CSMD1: variants seen among roughly 807,000 people sequenced by gnomAD.
The protein encoded by CSMD1 is CUB and sushi domain-containing protein 1.
Under a neutral mutation model 417.5 loss-of-function variants are expected in CSMD1, and 213 were observed. That is an observed-to-expected ratio of 0.51 (90% CI 0.46 to 0.57). The LOEUF (loss-of-function observed/expected upper bound fraction) is 0.57. CSMD1 is among the 20% of genes least tolerant of loss of function. The pLI is 0.00. For missense variants in CSMD1, 6,923 were observed against 4,529.7 expected (o/e 1.53, Z -15.17); for synonymous variants, 2,862 against 1,736.8 (o/e 1.65, Z -16.11).
At chr8:4,421,313 C>A (rs1037032671) in intron 2 of CSMD1, among the ~76,000 whole-genome samples, 3 of 152,180 alleles carry the variant, frequency 2.0e-5, no homozygotes, top group Non-Finnish European at 2.9e-5. Context: ...ATACAGAACT[C>A]ATCAACCCTA....
chr8:4,409,061 G>T (rs954869232), intron 3 of CSMD1, among the ~76,000 whole-genome samples: 1 of 152,282 alleles, frequency 6.6e-6, no homozygotes, highest in Non-Finnish European at 1.5e-5. Flanking sequence ...ATTCGGCATT[G>T]AATTTATTGG....
chr8:4,229,238 C>G (rs1301452988), intron 3 of CSMD1, among the ~76,000 whole-genome samples: 1 of 152,172 alleles, frequency 6.6e-6, no homozygotes, highest in Non-Finnish European at 1.5e-5. Flanking sequence ...TTTGGCTAGT[C>G]CTACTCAAAA....
intron 52 of CSMD1, among the ~76,000 whole-genome samples, chr8:3,013,843 A>G (rs11989141): frequency 0.02 from 3,064 of 152,184 alleles, 101 homozygotes; most frequent in African/African-American, 0.069. Flanking sequence ...GCCCACTTAA[A>G]CTATTAAAAA....
At chr8:4,697,629 G>A (rs1584958711) in intron 1 of CSMD1, among the ~76,000 whole-genome samples, 2 of 152,098 alleles carry the variant, frequency 1.3e-5, no homozygotes, top group South Asian at 2.1e-4. Context: ...AAGGCCAAAG[G>A]CAATTAAGCA....
chr8:3,461,388 T>TAAA (rs1816491396), intron 12 of CSMD1, among the ~76,000 whole-genome samples: 1 of 152,154 alleles, frequency 6.6e-6, no homozygotes, highest in Admixed American at 6.5e-5. Context: ...GGATGTGGTC[T>TAAA]TCACCCTAAA....
intron 20 of CSMD1, among the ~76,000 whole-genome samples, chr8:3,363,604 T>C (rs1196558558): frequency 6.6e-6 from 1 of 152,154 alleles, no homozygotes; most frequent in East Asian, 1.9e-4. Context: ...CTCCGCTCAC[T>C]GCAAGCTCCG....
rs140328050 is a variant in CSMD1 at position 4,958,985 on chromosome 8, C to T, written c.85+35347G>A. On this transcript the variant is annotated intron_variant, in intron 1 of 69. Coordinates refer to ENST00000635120, the MANE Select transcript of CSMD1 (RefSeq NM_033225.6). ...GAATTACAAAATTAAAAACAAGAAACGTGAAAACTTAAATCTTAATTGTAT... is the reference window on the plus strand; with the variant it reads ...GAATTACAAAATTAAAAACAAGAAATGTGAAAACTTAAATCTTAATTGTAT... Among the ~76,000 whole-genome samples, 899 of 152,146 alleles carry T rather than the reference C, an allele frequency of 5.9e-3. 5 individuals carry two copies. Among genetic ancestry groups the T allele is most frequent in the African/African-American group, 0.02 (841 of 41,522 alleles).
At chr8:4,431,836 C>T (rs187213885) in intron 2 of CSMD1, among the ~76,000 whole-genome samples, 53 of 151,578 alleles carry the variant, frequency 3.5e-4, no homozygotes, top group Non-Finnish European at 5.7e-4. Flanking sequence ...TAAAGTACTA[C>T]GAAATGTGGG....
rs1389970189 is a variant in CSMD1, at chr8:2,937,452, A to G, written c.*1133T>C. 1.3e-4 allele frequency: 10 copies of G among 75,070 alleles called. No individual in the cohort carries two copies. Among genetic ancestry groups the G allele is most frequent in the African/African-American group, 3.5e-4 (10 of 28,372 alleles). 4.7% of individuals were successfully genotyped at this position (75,070 alleles called of 1,614,324 possible). ...CAGTAAAAGACAAAAAAAAAAAAAA[A>G]CAAAAAAAAAACACTGCAAAAGGGA... On this transcript the variant is annotated 3_prime_UTR_variant, in exon 70 of 70. Transcript: ENST00000635120.
At chr8:3,895,592 C>T (rs1304042668) in intron 5 of CSMD1, among the ~76,000 whole-genome samples, 1 of 152,100 alleles carries the variant, frequency 6.6e-6, no homozygotes, top group Non-Finnish European at 1.5e-5. Flanking sequence ...CTTTCTAATG[C>T]CCATATATGT....
At chr8:4,032,387 T>C (rs1797394134) in intron 3 of CSMD1, among the ~76,000 whole-genome samples, 1 of 152,196 alleles carries the variant, frequency 6.6e-6, no homozygotes, top group Non-Finnish European at 1.5e-5. Flanking sequence ...GTCTGGATTA[T>C]ATTTTTCTAG....
At chr8:4,455,607 CTTATT>C (rs767263239) in intron 2 of CSMD1, among the ~76,000 whole-genome samples, 5 of 151,904 alleles carry the variant, frequency 3.3e-5, no homozygotes, top group Admixed American at 2.0e-4. Context: ...TTTAAATCAT[CTTATT>C]TTCTCTTTCA....
chr8:4,392,323 G>T (rs1177125873), intron 3 of CSMD1, among the ~76,000 whole-genome samples: 1 of 152,162 alleles, frequency 6.6e-6, no homozygotes, highest in African/African-American at 2.4e-5. Flanking sequence ...TTACCATGGG[G>T]ACCACGGATA....
intron 46 of CSMD1, among the ~76,000 whole-genome samples, chr8:3,097,819 C>T (rs13253818): frequency 0.18 from 27,687 of 152,090 alleles, 3,229 homozygotes; most frequent in South Asian, 0.25. Context: ...TGTGATTGCT[C>T]GGGACCCTGG....
intron 7 of CSMD1, among the ~76,000 whole-genome samples, chr8:3,635,793 CAAAAAAAAAAAAA>C (rs752552617): frequency 3.0e-5 from 3 of 99,282 alleles, no homozygotes; most frequent in Non-Finnish European, 6.0e-5. Context: ...GCTTCCATCT[CAAAAAAAAAAAAA>C]AAAAAAAAAG....
intron 4 of CSMD1, among the ~76,000 whole-genome samples, chr8:4,010,895 G>A (rs183440200): frequency 3.8e-4 from 58 of 152,192 alleles, no homozygotes; most frequent in Middle Eastern, 3.4e-3. Context: ...AAAACATACT[G>A]AAAGGTCTAA....
At chr8:4,794,742 A>T (rs530277594) in intron 1 of CSMD1, among the ~76,000 whole-genome samples, 1 of 152,304 alleles carries the variant, frequency 6.6e-6, no homozygotes, top group East Asian at 1.9e-4. Flanking sequence ...CTCTGAACAG[A>T]TTATTGAGCC....
At chr8:4,991,179 C>T (rs1042942533) in intron 1 of CSMD1, among the ~76,000 whole-genome samples, 7 of 152,232 alleles carry the variant, frequency 4.6e-5, no homozygotes, top group East Asian at 1.9e-4. Context: ...GGGGCAGATA[C>T]GAGCCAGCAT....
intron 1 of CSMD1, among the ~76,000 whole-genome samples, chr8:4,974,953 A>G (rs1466729955): frequency 6.6e-6 from 1 of 152,234 alleles, no homozygotes; most frequent in African/African-American, 2.4e-5. Flanking sequence ...ATTATTCGAC[A>G]ATAGATTCAA....
Sources: gnomAD v4.1 joint callset for allele counts (sites outside exome capture counted in the v4.1 genomes callset) on GRCh38, gnomAD v4.1.1 for gene constraint, MANE v1.5 for transcripts, NCBI Gene and HGNC (gene_info 2026-07-23, HGNC 2026-07-21) for gene names.